The following C1GALT1 variants were observed in gnomAD, a reference collection of about 807,000 sequenced individuals.
C1GALT1 encodes core 1 synthase, glycoprotein-N-acetylgalactosamine 3-beta-galactosyltransferase 1.
In C1GALT1, 11 loss-of-function variants were observed where a neutral mutation model predicts 31.0. The ratio of observed to expected loss-of-function variants is 0.36; its 90% CI spans 0.22 to 0.59. The LOEUF (loss-of-function observed/expected upper bound fraction) is 0.59. Among genes scored for constraint, C1GALT1 ranks in the 20% least tolerant of loss-of-function variants. The pLI is 0.79. For missense variants in C1GALT1, 424 were observed against 425.2 expected (o/e 1.00, Z 0.03); for synonymous variants, 175 against 143.6 (o/e 1.22, Z -1.56).
intron 1 of C1GALT1, among the ~76,000 whole-genome samples, chr7:7,207,416 A>G (rs1303881082): frequency 2.2e-5 from 3 of 136,388 alleles, no homozygotes; most frequent in South Asian, 2.2e-4. Context: ...GGCTCAAGCA[A>G]TCCTCCCATC....
chr7:7,168,908 A>G (rs1230857053), intron 2 of C1GALT1, among the ~76,000 whole-genome samples: 1 of 152,248 alleles, frequency 6.6e-6, no homozygotes, highest in Non-Finnish European at 1.5e-5. Context: ...AACCATTTTA[A>G]GGGTACAGTT....
At chr7:7,202,044 A>G (rs73674686) in intron 1 of C1GALT1, among the ~76,000 whole-genome samples, 20,742 of 152,100 alleles carry the variant, frequency 0.14, 1,673 homozygotes, top group East Asian at 0.37. Flanking sequence ...CTTTATCCCT[A>G]TATTTCTCAC....
chr7:7,238,617 G>C lies in C1GALT1; in HGVS notation c.583G>C (p.Gly195Arg). The C allele has an allele frequency of 6.2e-7, 1 of 1,614,048 alleles. No individual in the cohort carries two copies. Among genetic ancestry groups the C allele is most frequent in the South Asian group, 1.1e-5 (1 of 91,034 alleles). Residue 195 changes from glycine (G) to arginine (R), a missense_variant, in exon 3 of 4, where the codon GGG becomes CGG. Gly to Arg is a moderately radical substitution (Grantham distance 125, BLOSUM62 -2). Around this residue, in one of 3 missense-constraint regions of C1GALT1, gnomAD observed 44 missense variants for 78.3 expected, o/e 0.56. Transcript: ENST00000436587. The surrounding 1 kb of genome is among the most constrained non-coding windows in gnomAD (Gnocchi z 5.2). ...KYDPEEPIYF[G>R]RRFKPYVKQG... ...CGACCCTGAAGAACCCATTTACTTTGGGAGAAGATTTAAGCCTTATGTAAA... is the reference window on the plus strand; with the variant it reads ...CGACCCTGAAGAACCCATTTACTTTCGGAGAAGATTTAAGCCTTATGTAAA...
intron 3 of C1GALT1, among the ~76,000 whole-genome samples, chr7:7,239,268 C>A (rs1334723123): frequency 6.6e-6 from 1 of 151,960 alleles, no homozygotes; most frequent in Non-Finnish European, 1.5e-5. Context: ...TAGTAAGTGC[C>A]CTGAAGAAAA....
intron 1 of C1GALT1, among the ~76,000 whole-genome samples, chr7:7,206,480 C>T (rs1044440695): frequency 6.6e-6 from 1 of 151,838 alleles, no homozygotes; most frequent in Non-Finnish European, 1.5e-5. Context: ...TCAAGACCAG[C>T]CTGACCAACA....
intron 1 of C1GALT1, among the ~76,000 whole-genome samples, chr7:7,187,611 A>G (rs905129481): frequency 1.3e-5 from 2 of 152,170 alleles, no homozygotes; most frequent in Non-Finnish European, 2.9e-5. Context: ...CTGGCTAAAT[A>G]TCCTACAGAG....
At chr7:7,202,924 G>C (rs937925529) in intron 1 of C1GALT1, among the ~76,000 whole-genome samples, 2 of 151,846 alleles carry the variant, frequency 1.3e-5, no homozygotes, top group Non-Finnish European at 1.5e-5. Flanking sequence ...AGTTTTTGTC[G>C]TACAGATCTT....
intron 1 of C1GALT1, among the ~76,000 whole-genome samples, chr7:7,198,944 GC>G (rs1355328439): frequency 6.6e-6 from 1 of 151,882 alleles, no homozygotes; most frequent in Non-Finnish European, 1.5e-5. Flanking sequence ...TATTAGTCTT[GC>G]TAGCGGTCTA....
Position 7,243,593 on chromosome 7 carries a change from G to C in C1GALT1, c.958G>C (p.Glu320Gln), listed in dbSNP as rs1783722510. 1.2e-6 allele frequency: 2 copies of C among 1,612,762 alleles called. No individual in the cohort carries two copies. The highest frequency in any genetic ancestry group is 1.7e-6 in the Non-Finnish European group (2 of 1,179,504). ...TGATTCTACAACCATGTATGAGTTA[G>C]AATACCTCGTTTATCATCTTCGTCC... Reference protein sequence around the residue: ...YVDSTTMYELEYLVYHLRPYG... With the variant: ...YVDSTTMYELQYLVYHLRPYG... The change falls in exon 4 of 4, where the codon GAA becomes CAA. Residue 320 changes from glutamate (E) to glutamine (Q), a missense_variant. By Grantham distance (29) the Glu-to-Gln change is conservative. Around this residue, in one of 3 missense-constraint regions of C1GALT1, gnomAD observed 191 missense variants for 188.8 expected, o/e 1.01. Transcript: ENST00000436587.
chr7:7,213,199 G>T (rs1176065192), intron 1 of C1GALT1, among the ~76,000 whole-genome samples: 1 of 152,136 alleles, frequency 6.6e-6, no homozygotes, highest in East Asian at 1.9e-4. Context: ...AAAACCTGCA[G>T]TTAAAGTCCT....
At chr7:7,183,541 A>C (rs2128228898) in intron 1 of C1GALT1, 1 of 984,430 alleles carries the variant, frequency 1.0e-6, no homozygotes, top group East Asian at 1.1e-4. Flanking sequence ...TTCCCCAACA[A>C]ATTGTGATGG....
chr7:7,206,207 C>T (rs1304873356), intron 1 of C1GALT1, among the ~76,000 whole-genome samples: 10 of 125,662 alleles, frequency 8.0e-5, no homozygotes, highest in Non-Finnish European at 1.6e-4. Flanking sequence ...ATGTGTTAGT[C>T]TCAAGTTATG....
At chr7:7,158,034 A>C (rs1780292550) in intron 2 of C1GALT1, among the ~76,000 whole-genome samples, 1 of 152,204 alleles carries the variant, frequency 6.6e-6, no homozygotes, top group Non-Finnish European at 1.5e-5. Flanking sequence ...TTAACTTAGC[A>C]GTACATTCCT....
chr7:7,190,862 T>C (rs998374544), intron 1 of C1GALT1, among the ~76,000 whole-genome samples: 2 of 152,178 alleles, frequency 1.3e-5, no homozygotes, highest in African/African-American at 4.8e-5. Context: ...TGCCAAGTTA[T>C]ATAATTTTTT....
intron 1 of C1GALT1, among the ~76,000 whole-genome samples, chr7:7,188,939 A>G (rs1780937078): frequency 6.6e-6 from 1 of 152,214 alleles, no homozygotes; most frequent in Admixed American, 6.5e-5. Context: ...GAAAGCAGTT[A>G]CTTTTGGGGA....
At chr7:7,178,702 C>T (rs79186096), upstream of C1GALT1, among the ~76,000 whole-genome samples, 1 of 152,118 alleles carries the variant, frequency 6.6e-6, no homozygotes, top group Non-Finnish European at 1.5e-5. Context: ...ATGCTACCTA[C>T]TAAAGTGAAA....
At chr7:7,219,013 T>C (rs1338836606) in intron 1 of C1GALT1, among the ~76,000 whole-genome samples, 1 of 152,014 alleles carries the variant, frequency 6.6e-6, no homozygotes, top group Non-Finnish European at 1.5e-5. Flanking sequence ...TTTTGTATTT[T>C]TTTTTAGCAG....
intron 1 of C1GALT1, among the ~76,000 whole-genome samples, chr7:7,187,013 G>T (rs374083767): frequency 2.0e-5 from 3 of 152,124 alleles, no homozygotes; most frequent in Non-Finnish European, 4.4e-5. Flanking sequence ...GTAAAAATGG[G>T]CCAAAGAAGC....
At chr7:7,181,991 C>G (rs1243087940), upstream of C1GALT1, among the ~76,000 whole-genome samples, 1 of 152,154 alleles carries the variant, frequency 6.6e-6, no homozygotes, top group African/African-American at 2.4e-5. Context: ...GCTGACAGAA[C>G]CAAAGACGAA....
Sources: allele counts gnomAD v4.1 joint callset (sites outside exome capture counted in the v4.1 genomes callset), GRCh38; gene constraint gnomAD v4.1.1; regional missense constraint gnomAD v4.1.1; non-coding constraint Gnocchi (gnomAD v3.1); transcripts MANE v1.5; gene names NCBI Gene and HGNC (gene_info 2026-07-23, HGNC 2026-07-21).